The following SLC16A2 variants were observed in gnomAD, a reference collection of about 807,000 sequenced individuals.
SLC16A2 encodes monocarboxylate transporter 8.
Under a neutral mutation model 27.2 loss-of-function variants are expected in SLC16A2, and 3 were observed. That is an observed-to-expected ratio of 0.11 (90% CI 0.05 to 0.28). SLC16A2 has a LOEUF of 0.28. Among genes scored for constraint, SLC16A2 ranks in the 10% least tolerant of loss-of-function variants. The pLI, the probability that SLC16A2 is intolerant of heterozygous loss-of-function variation, is 1.00. For synonymous variants in SLC16A2, 202 were observed against 187.8 expected (o/e 1.08, Z -0.62); for missense variants, 295 against 458.5 (o/e 0.64, Z 3.26).
At position 74,529,469 on chromosome X, in the gene SLC16A2, G is replaced by T. The variant is rs747130740; in HGVS notation, c.1399+28G>T. The T allele has an allele frequency of 1.2e-5, 13 of 1,074,538 alleles. No individual in the cohort carries two copies. The South Asian group carries it at 2.6e-4, about 21-fold the overall frequency. The allele number at this position is 1,074,538 out of a possible 1,213,427, so 88.6% of individuals were successfully genotyped here. A position where few individuals can be genotyped will look rare whatever the true frequency, so the allele number is the denominator to read the frequency against. On this transcript the variant is annotated intron_variant, in intron 5 of 5. Coordinates refer to ENST00000587091, the MANE Select transcript of SLC16A2 (RefSeq NM_006517.5). ...GAGGCTGATATTCCAGGGAGGGCAT[G>T]AATCAGGGAGTCCTTTTTTCCCTGG... is the stretch of plus-strand genomic sequence containing the variant.
intron 1 of SLC16A2, among the ~76,000 whole-genome samples, chrX:74,464,932 A>C (rs1325951292): frequency 2.7e-5 from 3 of 111,363 alleles, no homozygotes; most frequent in African/African-American, 9.8e-5. Context: ...CCATCTCAAT[A>C]ACAGCAACAA....
chrX:74,531,340 C>G lies in SLC16A2; in HGVS notation c.1407C>G (p.Leu469=). ...MIAGPPIAGL[L]RNCFGDYHVA... ...CTCTCTTGACTGTTTCAGGCCTACT[C>G]CGCAACTGTTTTGGGGACTACCATG... Residue 469 remains leucine (L), a synonymous_variant, in exon 6 of 6, where the codon CTC becomes CTG. Transcript: ENST00000587091. 3 of 1,210,851 alleles carry G rather than the reference C, an allele frequency of 2.5e-6. No individual in the cohort carries two copies. The highest frequency in any genetic ancestry group is 3.4e-6 in the Non-Finnish European group (3 of 894,350).
Position 74,530,397 on chromosome X carries a change from G to T in SLC16A2, c.1400-936G>T, listed in dbSNP as rs192124012. 2.0e-3 allele frequency among the ~76,000 whole-genome samples: 228 copies of T among 112,131 alleles called. 1 individual carries two copies. The highest frequency in any genetic ancestry group is 3.6e-3 in the Non-Finnish European group (194 of 53,210). Reference sequence around the variant, plus strand: ...TTACAGGCGTGAGCCACCACACCCGGCAACTCCATTTCTTTTCTGTAGGAT... The same window carrying T: ...TTACAGGCGTGAGCCACCACACCCGTCAACTCCATTTCTTTTCTGTAGGAT... On this transcript the variant is annotated intron_variant, in intron 5 of 5. Coordinates refer to ENST00000587091, the MANE Select transcript of SLC16A2 (RefSeq NM_006517.5).
chrX:74,525,990 G>T, intron 4 of SLC16A2, 97 bp downstream of exon 4: 1 of 981,736 alleles, frequency 1.0e-6, no homozygotes. Context: ...TTGTTGTGTC[G>T]CATGGGAAAG....
chrX:74,434,816 GTTT>G (rs1210272092), intron 1 of SLC16A2, among the ~76,000 whole-genome samples: 2 of 89,248 alleles, frequency 2.2e-5, no homozygotes, highest in Non-Finnish European at 2.2e-5. Context: ...ATCTTAGTTT[GTTT>G]TTTTTTTTTT....
chrX:74,457,749 G>A (rs892998033), intron 1 of SLC16A2, among the ~76,000 whole-genome samples: 1 of 109,853 alleles, frequency 9.1e-6, no homozygotes, highest in Admixed American at 9.8e-5. Flanking sequence ...AGAACCACCC[G>A]CCAGCCTCCA....
At chrX:74,462,315 T>C (rs1929164682) in intron 1 of SLC16A2, among the ~76,000 whole-genome samples, 1 of 111,550 alleles carries the variant, frequency 9.0e-6, no homozygotes, top group African/African-American at 3.3e-5. Context: ...TGGTTATAGT[T>C]TGGTGTTTGT....
intron 1 of SLC16A2, among the ~76,000 whole-genome samples, chrX:74,425,449 A>T (rs146441845): frequency 3.0e-4 from 33 of 110,963 alleles, no homozygotes; most frequent in African/African-American, 9.8e-4. Context: ...AAGGAAAAAG[A>T]TCAGGAGGGA....
intron 1 of SLC16A2, among the ~76,000 whole-genome samples, chrX:74,454,949 TA>T (rs151072605): frequency 0.12 from 12,872 of 111,699 alleles, 682 homozygotes; most frequent in South Asian, 0.27. Context: ...TGTATTCTTA[TA>T]AAAAATACAT....
rs748338438 is a variant in SLC16A2 at position 74,503,985 on chromosome X, G to A, written c.431-17005G>A. Among the ~76,000 whole-genome samples the A allele has an allele frequency of 7.1e-5, 8 of 112,023 alleles. No individual in the cohort carries two copies. In the South Asian group the frequency reaches 2.6e-3, roughly 37 times the overall value. On this transcript the variant is annotated intron_variant, in intron 1 of 5. Coordinates refer to ENST00000587091, the MANE Select transcript of SLC16A2 (RefSeq NM_006517.5). ...CTAATATATGTAAAGAATTTGACAC[G>A]GTGTCTGTCACATAGTAAGTGCTAA...
At chrX:74,515,336 A>G (rs886965539) in intron 1 of SLC16A2, among the ~76,000 whole-genome samples, 2 of 111,383 alleles carry the variant, frequency 1.8e-5, no homozygotes, top group African/African-American at 6.5e-5. Context: ...GCAGAACAAT[A>G]ATAATTATCC....
At chrX:74,426,532 C>T (rs904038145) in intron 1 of SLC16A2, among the ~76,000 whole-genome samples, 2 of 111,928 alleles carry the variant, frequency 1.8e-5, no homozygotes, top group Non-Finnish European at 3.8e-5. Flanking sequence ...CAAATCTGGA[C>T]TCCCCAAAGC....
intron 1 of SLC16A2, among the ~76,000 whole-genome samples, chrX:74,476,731 A>G (rs1184633626): frequency 6.2e-5 from 7 of 112,066 alleles, no homozygotes; most frequent in African/African-American, 2.3e-4. Context: ...ATCTAATGAG[A>G]TAATCATGTG....
intron 1 of SLC16A2, among the ~76,000 whole-genome samples, chrX:74,458,723 C>T (rs998650407): frequency 4.5e-5 from 5 of 111,648 alleles, no homozygotes; most frequent in African/African-American, 6.5e-5. Context: ...CATTAGATCT[C>T]CAGAACTTGT....
chrX:74,440,909 A>C (rs1487214842), intron 1 of SLC16A2, among the ~76,000 whole-genome samples: 3 of 110,414 alleles, frequency 2.7e-5, no homozygotes, highest in Non-Finnish European at 5.7e-5. Flanking sequence ...TCAAGGAGCA[A>C]TCACATAGAC....
intron 2 of SLC16A2, among the ~76,000 whole-genome samples, chrX:74,523,620 T>G (rs1439541976): frequency 9.0e-6 from 1 of 111,416 alleles, no homozygotes; most frequent in Non-Finnish European, 1.9e-5. Context: ...GGCCCACAAA[T>G]TCTTTGAGGC....
intron 1 of SLC16A2, among the ~76,000 whole-genome samples, chrX:74,440,602 A>T (rs1201128250): frequency 9.5e-6 from 1 of 105,486 alleles, no homozygotes; most frequent in African/African-American, 3.5e-5. Context: ...TTCCTGGTCA[A>T]CTTCAGAAGA....
chrX:74,506,445 C>T (rs183010960), intron 1 of SLC16A2, among the ~76,000 whole-genome samples: 139 of 111,525 alleles, frequency 1.2e-3, no homozygotes, highest in African/African-American at 4.3e-3. Flanking sequence ...GTAAAAACCT[C>T]GAGGTAAATC....
chrX:74,475,783 G>A (rs867792530), intron 1 of SLC16A2, among the ~76,000 whole-genome samples: 46 of 111,465 alleles, frequency 4.1e-4, no homozygotes, highest in African/African-American at 1.4e-3. Flanking sequence ...CAAAGATCAG[G>A]TAGTTGTAGA....
Sources: gnomAD v4.1 joint callset for allele counts (sites outside exome capture counted in the v4.1 genomes callset) on GRCh38, gnomAD v4.1.1 for gene constraint, MANE v1.5 for transcripts, NCBI Gene and HGNC (gene_info 2026-07-23, HGNC 2026-07-21) for gene names.